The following TRIM2 variants were observed in gnomAD, a reference collection of about 807,000 sequenced individuals.
TRIM2 encodes tripartite motif containing 2, also known as tripartite motif-containing protein 2.
A neutral mutation model predicts 75.2 loss-of-function variants in TRIM2; 20 were observed. That is an observed-to-expected ratio of 0.27 (90% confidence interval 0.19 to 0.39). TRIM2 has a LOEUF of 0.39. TRIM2 is among the 10% of genes least tolerant of loss of function. TRIM2 has a pLI of 1.00. For synonymous variants in TRIM2, 373 were observed against 388.3 expected (o/e 0.96, Z 0.46); for missense variants, 660 against 990.8 (o/e 0.67, Z 4.48).
Position 153,337,306 on chromosome 4 carries a change from C to T in TRIM2, c.*2340C>T. 1 of 985,738 alleles carries T rather than the reference C, an allele frequency of 1.0e-6. No homozygotes were observed. The highest frequency in any genetic ancestry group is 1.2e-6 in the Non-Finnish European group (1 of 829,904). The allele number at this position is 985,738 out of a possible 1,614,324, so 61.1% of individuals were successfully genotyped here. ...ACAACATTTCAATTATATTTGTGAACTTAGAAATTAACTTACAATCTAACC... is the reference window on the plus strand; with the variant it reads ...ACAACATTTCAATTATATTTGTGAATTTAGAAATTAACTTACAATCTAACC... On this transcript the variant is annotated 3_prime_UTR_variant, in exon 12 of 12. Transcript: ENST00000338700.
intron 8 of TRIM2, among the ~76,000 whole-genome samples, chr4:153,316,505 A>C (rs1321391603): frequency 6.6e-6 from 1 of 152,208 alleles, no homozygotes; most frequent in Admixed American, 6.5e-5. Flanking sequence ...GACAGAAAAC[A>C]ATTTATGTCA....
chr4:153,162,599 A>G (rs1729847921), intron 1 of TRIM2, among the ~76,000 whole-genome samples: 1 of 152,266 alleles, frequency 6.6e-6, no homozygotes, highest in Non-Finnish European at 1.5e-5. Context: ...AATACCCAGA[A>G]TAATGTTTGA....
intron 1 of TRIM2, among the ~76,000 whole-genome samples, chr4:153,180,224 AT>A (rs1731910887): frequency 1.3e-5 from 2 of 152,062 alleles, no homozygotes; most frequent in African/African-American, 4.8e-5. Flanking sequence ...TTTTGGGTAC[AT>A]TTTTCATTAT....
chr4:153,231,434 G>A (rs1197966902), intron 1 of TRIM2, among the ~76,000 whole-genome samples: 2 of 152,152 alleles, frequency 1.3e-5, no homozygotes, highest in African/African-American at 4.8e-5. Context: ...AGATTTAGAT[G>A]GAAGAGGGAA....
At chr4:153,286,779 TCA>T (rs1760733325) in intron 3 of TRIM2, among the ~76,000 whole-genome samples, 1 of 98,684 alleles carries the variant, frequency 1.0e-5, no homozygotes, top group African/African-American at 4.2e-5. Context: ...CCCCACCATC[TCA>T]CTCTCTCTCT....
chr4:153,319,124 C>T (rs1768353564), intron 8 of TRIM2, among the ~76,000 whole-genome samples: 1 of 152,200 alleles, frequency 6.6e-6, no homozygotes, highest in Non-Finnish European at 1.5e-5. Flanking sequence ...GAGAAAGACA[C>T]ACGTTTAACA....
intron 1 of TRIM2, among the ~76,000 whole-genome samples, chr4:153,167,417 C>G (rs1009535202): frequency 1.1e-4 from 17 of 152,086 alleles, no homozygotes; most frequent in Non-Finnish European, 1.5e-4. Flanking sequence ...GAAAAACATA[C>G]CATGATTTGA....
chr4:153,198,315 T>C lies in TRIM2; in HGVS notation c.-49+45045T>C, dbSNP rs1004566278. ...GTGGGAGGGACCCACAGGGAGGTAA[T>C]TGAATCATGGAGGTTGGTCTTTACT... On this transcript the variant is annotated intron_variant, in intron 1 of 11. Coordinates refer to the TRIM2 transcript ENST00000437508. Among the ~76,000 whole-genome samples the C allele has an allele frequency of 3.9e-5, 6 of 152,108 alleles. No homozygotes were observed. In the East Asian group the frequency reaches 5.8e-4, roughly 15 times the overall value.
chr4:153,165,011 G>T (rs1335538628), intron 1 of TRIM2, among the ~76,000 whole-genome samples: 4 of 151,770 alleles, frequency 2.6e-5, no homozygotes, highest in Admixed American at 2.6e-4. Context: ...TGGTCCAACA[G>T]ATATGTCACG....
upstream of TRIM2, among the ~76,000 whole-genome samples, chr4:153,200,723 A>AT (rs1317491129): frequency 1.1e-3 from 135 of 123,506 alleles, 1 homozygote; most frequent in South Asian, 3.0e-3. Context: ...TAAGAAAAAA[A>AT]AATATATATA....
In TRIM2 at chr4:153,337,101, C is replaced by G. The variant is rs745362782; in HGVS notation, c.*2135C>G. On this transcript the variant is annotated 3_prime_UTR_variant, in exon 12 of 12. Transcript: ENST00000338700. ...CTGGGGTGGGAATTTCATTTTGCCA[C>G]GTACTAACGTTCTGCACAAAAGACA... is the stretch of plus-strand genomic sequence containing the variant. 8.1e-6 allele frequency: 8 copies of G among 985,244 alleles called. No individual in the cohort carries two copies. Among genetic ancestry groups the G allele is most frequent in the South Asian group, 9.4e-5 (2 of 21,284 alleles). 61.0% of individuals were successfully genotyped at this position (985,244 alleles called of 1,614,324 possible).
intron 1 of TRIM2, among the ~76,000 whole-genome samples, chr4:153,244,144 G>GTTCTTCTTCTTC (rs766874717): frequency 0.012 from 1,554 of 130,160 alleles, 38 homozygotes; most frequent in Middle Eastern, 0.018. Context: ...TCTTCTTCTT[G>GTTCTTCTTCTTC]TTCTTCTTGT....
chr4:153,329,791 C>T (rs1246681776), intron 11 of TRIM2, among the ~76,000 whole-genome samples: 1 of 151,494 alleles, frequency 6.6e-6, no homozygotes, highest in Non-Finnish European at 1.5e-5. Context: ...GAGCCAAGAT[C>T]ACATCATTGC....
At chr4:153,274,546 G>C (rs920913878) in intron 2 of TRIM2, among the ~76,000 whole-genome samples, 4 of 152,230 alleles carry the variant, frequency 2.6e-5, no homozygotes, top group African/African-American at 9.6e-5. Context: ...AGGCTCAAAG[G>C]AGATGTCTGT....
chr4:153,173,657 C>G (rs899825112), intron 1 of TRIM2, among the ~76,000 whole-genome samples: 3 of 150,230 alleles, frequency 2.0e-5, no homozygotes, highest in Non-Finnish European at 4.4e-5. Context: ...GAGCAAAACT[C>G]CGTCTCAAAA....
intron 1 of TRIM2, among the ~76,000 whole-genome samples, chr4:153,244,473 C>T (rs886311180): frequency 5.5e-5 from 8 of 144,734 alleles, no homozygotes; most frequent in Admixed American, 1.4e-4. Context: ...GTTGCCCGAG[C>T]TGATCTTGAA....
At chr4:153,284,210 G>GT (rs200802089) in intron 3 of TRIM2, among the ~76,000 whole-genome samples, 4,864 of 141,940 alleles carry the variant, frequency 0.034, 175 homozygotes, top group African/African-American at 0.096. Flanking sequence ...TTGTTTTTTG[G>GT]TTTTTTTTTA....
Position 153,248,856 on chromosome 4 carries a change from C to T in TRIM2, c.31-21479C>T, listed in dbSNP as rs1235979932. ...AGCTCCCTCTGCCAAGGTGCCCAGGCTCCTACTTCAGTGTCACCTCCAGGT... is the reference window on the plus strand; with the variant it reads ...AGCTCCCTCTGCCAAGGTGCCCAGGTTCCTACTTCAGTGTCACCTCCAGGT... On this transcript the variant is annotated intron_variant, in intron 1 of 11. Coordinates refer to ENST00000338700, the MANE Select transcript of TRIM2 (RefSeq NM_015271.5). This position sits in a 1 kb window ranked among gnomAD's most constrained non-coding sequence, Gnocchi z 4.0. Among the ~76,000 whole-genome samples, 1 of 152,236 alleles carries T rather than the reference C, an allele frequency of 6.6e-6. No individual in the cohort carries two copies. The highest frequency in any genetic ancestry group is 1.5e-5 in the Non-Finnish European group (1 of 68,042).
chr4:153,152,412 A>ATATG, upstream of TRIM2: 1 of 42,706 alleles, frequency 2.3e-5, no homozygotes, highest in Non-Finnish European at 9.1e-5. Flanking sequence ...ATGTGTGTAT[A>ATATG]TATATATATA....
Sources: allele counts gnomAD v4.1 joint callset (sites outside exome capture counted in the v4.1 genomes callset), GRCh38; gene constraint gnomAD v4.1.1; non-coding constraint Gnocchi (gnomAD v3.1); transcripts MANE v1.5; gene names NCBI Gene and HGNC (gene_info 2026-07-23, HGNC 2026-07-21).